The following TARBP1 variants were observed in gnomAD, a reference collection of about 807,000 sequenced individuals.
The protein encoded by TARBP1 is tRNA guanosine 2 -O-methyltransferase TARBP1.
In TARBP1, 144 loss-of-function variants were observed where a neutral mutation model predicts 178.6. The observed-to-expected ratio is 0.81, with a 90% CI of 0.70 to 0.93. The LOEUF is 0.93. Among genes scored for constraint, TARBP1 ranks in the 40% least tolerant of loss-of-function variants. TARBP1 has a pLI of 0.00. For synonymous variants in TARBP1, 787 were observed against 781.0 expected (o/e 1.01, Z -0.13); for missense variants, 2,067 against 2,011.7 (o/e 1.03, Z -0.53).
At chr1:234,473,922 T>G (rs141087194) in intron 1 of TARBP1, among the ~76,000 whole-genome samples, 13 of 152,284 alleles carry the variant, frequency 8.5e-5, no homozygotes, top group African/African-American at 3.1e-4. Flanking sequence ...GATAGTAGTA[T>G]TATAAGAACA....
intron 25 of TARBP1, 40 bp downstream of exon 25, chr1:234,401,141 A>G (rs775976182): frequency 3.9e-6 from 6 of 1,525,872 alleles, no homozygotes; most frequent in Non-Finnish European, 5.4e-6. Flanking sequence ...TCAGGATTAA[A>G]GATACAATAG....
intron 14 of TARBP1, among the ~76,000 whole-genome samples, chr1:234,431,324 C>T (rs1664410311): frequency 1.3e-5 from 2 of 152,156 alleles, no homozygotes. Context: ...TAATGTAATT[C>T]AGTGAATTAC....
intron 24 of TARBP1, among the ~76,000 whole-genome samples, chr1:234,404,802 T>G (rs2103051063): frequency 6.6e-6 from 1 of 152,350 alleles, no homozygotes; most frequent in East Asian, 1.9e-4. Flanking sequence ...CTGTTTTATT[T>G]CATGCTATTT....
At chr1:234,443,485 A>C (rs532729075) in intron 12 of TARBP1, among the ~76,000 whole-genome samples, 189 of 152,266 alleles carry the variant, frequency 1.2e-3, no homozygotes, top group African/African-American at 4.1e-3. Context: ...AGTGTTGGAG[A>C]GGATGTGGAA....
chr1:234,465,590 A>G, intron 5 of TARBP1, 66 bp downstream of exon 5: 1 of 1,425,522 alleles, frequency 7.0e-7, no homozygotes, highest in Non-Finnish European at 9.3e-7. Context: ...TGCATGAAAC[A>G]ATCTGGTCAT....
At chr1:234,393,520 C>T (rs926963562) in intron 27 of TARBP1, 34 bp from the exon 28 acceptor site, 3 of 1,571,070 alleles carry the variant, frequency 1.9e-6, no homozygotes, top group East Asian at 2.3e-5. Flanking sequence ...TAAGATTGTT[C>T]CCAGCACAAT....
At chr1:234,401,308 T>A in intron 24 of TARBP1, 46 bp from the exon 25 acceptor site, 1 of 1,430,952 alleles carries the variant, frequency 7.0e-7, no homozygotes, top group Non-Finnish European at 9.8e-7. Flanking sequence ...ATGAAACAAC[T>A]CTGGTGAGGG....
At chr1:234,443,905 GAGTCAAACTCA>G (rs1301705177) in intron 12 of TARBP1, among the ~76,000 whole-genome samples, 11 of 152,298 alleles carry the variant, frequency 7.2e-5, no homozygotes, top group Non-Finnish European at 1.2e-4. Flanking sequence ...GTACCCAGAG[GAGTCAAACTCA>G]TAGAGACAGA....
Position 234,401,379 on chromosome 1 carries a change from T to C in TARBP1, c.3990-117A>G, listed in dbSNP as rs566571574. ...AGTTGAGAAGGAACAGAAAATTTTA[T>C]GAACTTTATCCTAAGATTTATACAC... On this transcript the variant is annotated intron_variant, in intron 24 of 29. Transcript: ENST00000040877. The C allele has an allele frequency of 1.2e-5, 8 of 693,904 alleles. No individual in the cohort carries two copies. The South Asian group carries it at 1.4e-4, about 12-fold the overall frequency. The allele number at this position is 693,904 out of a possible 1,614,324, so 43.0% of individuals were successfully genotyped here.
intron 8 of TARBP1, 152 bp downstream of exon 8, chr1:234,459,078 C>G (rs542743436): frequency 1.7e-6 from 1 of 593,148 alleles, no homozygotes; most frequent in African/African-American, 1.9e-5. Flanking sequence ...TTAGAGAGAT[C>G]ATATGTATTA....
At chr1:234,409,562 G>A (rs1661597441) in intron 23 of TARBP1, among the ~76,000 whole-genome samples, 1 of 152,172 alleles carries the variant, frequency 6.6e-6, no homozygotes, top group African/African-American at 2.4e-5. Context: ...ACTGCCATCT[G>A]GCTGATACAC....
At chr1:234,436,963 T>A (rs1665087381) in intron 13 of TARBP1, among the ~76,000 whole-genome samples, 1 of 152,206 alleles carries the variant, frequency 6.6e-6, no homozygotes, top group Non-Finnish European at 1.5e-5. Flanking sequence ...ATCTTGGGAT[T>A]GGGCTCCAAA....
rs559378778 is a variant in TARBP1, at chr1:234,399,094, C to T, written c.4072-541G>A. Among the ~76,000 whole-genome samples, 23 of 152,330 alleles carry T rather than the reference C, an allele frequency of 1.5e-4. No individual in the cohort carries two copies. In the East Asian group the frequency reaches 3.9e-3, roughly 26 times the overall value. The stretch of plus-strand genomic sequence containing the variant: ...CGAGGATAAAATCAGATTACAACAA[C>T]ATATTAAAGTGTTCGTGAACACGGC... On this transcript the variant is annotated intron_variant, in intron 25 of 29. Transcript: ENST00000040877.
chr1:234,464,159 A>G (rs997132046), intron 5 of TARBP1, among the ~76,000 whole-genome samples: 5 of 152,188 alleles, frequency 3.3e-5, no homozygotes, highest in African/African-American at 7.2e-5. Flanking sequence ...TTAATAACCT[A>G]CTTTACTAAG....
chr1:234,433,215 G>A (rs144194138), intron 14 of TARBP1, among the ~76,000 whole-genome samples, 195 bp downstream of exon 14: 219 of 152,274 alleles, frequency 1.4e-3, no homozygotes, highest in African/African-American at 5.0e-3. Flanking sequence ...CCCAGCCTGG[G>A]TGACAGAGCC....
chr1:234,414,239 T>C (rs1662169247), intron 22 of TARBP1, among the ~76,000 whole-genome samples: 1 of 152,102 alleles, frequency 6.6e-6, no homozygotes, highest in Non-Finnish European at 1.5e-5. Flanking sequence ...TGTGTTCCAA[T>C]ATAACTCTGC....
At chr1:234,404,956 C>T (rs768096051) in intron 24 of TARBP1, among the ~76,000 whole-genome samples, 12 of 152,184 alleles carry the variant, frequency 7.9e-5, no homozygotes, top group Non-Finnish European at 1.6e-4. Flanking sequence ...AGGTACATTG[C>T]GGGCCAGGGA....
intron 9 of TARBP1, among the ~76,000 whole-genome samples, chr1:234,451,921 C>A: frequency 6.6e-6 from 1 of 151,998 alleles, no homozygotes; most frequent in Admixed American, 6.6e-5. Context: ...GTGAGGTCAG[C>A]CGGTATTTAT....
intron 1 of TARBP1, among the ~76,000 whole-genome samples, chr1:234,474,123 C>T (rs2103313361): frequency 6.6e-6 from 1 of 151,908 alleles, no homozygotes; most frequent in East Asian, 1.9e-4. Context: ...GCACACCTAT[C>T]GTCCCAGCTT....
Sources: allele counts gnomAD v4.1 joint callset (sites outside exome capture counted in the v4.1 genomes callset), GRCh38; gene constraint gnomAD v4.1.1; transcripts MANE v1.5; gene names NCBI Gene and HGNC (gene_info 2026-07-23, HGNC 2026-07-21).